The following HTR3E variants were observed in gnomAD, a reference collection of about 807,000 sequenced individuals.
HTR3E encodes 5-hydroxytryptamine receptor 3E, also known as 5-hydroxytryptamine (serotonin) receptor 3, family member E.
A neutral mutation model predicts 38.0 loss-of-function variants in HTR3E; 38 were observed. The ratio of observed to expected loss-of-function variants is 1.00; its 90% CI spans 0.77 to 1.31. The LOEUF is 1.31. HTR3E is among the 50% of genes most tolerant of loss of function. The probability of loss-of-function intolerance (pLI) is 0.00; values close to 1 mark genes in which losing one functional copy is unlikely to be tolerated. For synonymous variants in HTR3E, 210 were observed against 232.9 expected, an observed-to-expected ratio of 0.90 and a Z score of 0.89; for missense variants, 547 against 585.2, an observed-to-expected ratio of 0.93 and a Z score of 0.67.
intron 4 of HTR3E, 141 bp from the exon 5 acceptor site, chr3:184,104,646 C>A: frequency 1.4e-6 from 1 of 694,836 alleles, no homozygotes; most frequent in Non-Finnish European, 2.2e-6. Flanking sequence ...GAGCCCAGGA[C>A]ATGGAAGTTG....
chr3:184,104,323 C>T lies in HTR3E; in HGVS notation c.389+32C>T, dbSNP rs764359060. 7.6e-6 allele frequency: 12 copies of T among 1,584,462 alleles called. No homozygotes were observed. The African/African-American group carries it at 1.6e-4, about 21-fold the overall frequency. ...ATCAAGGGCTGGTCAGAGGGAAGTCCCATCTCCTGGTAGCCACAGAGATCA... is the reference window on the plus strand; with the variant it reads ...ATCAAGGGCTGGTCAGAGGGAAGTCTCATCTCCTGGTAGCCACAGAGATCA... On this transcript the variant is annotated intron_variant, in intron 4 of 8. Transcript: ENST00000415389.
intron 1 of HTR3E, among the ~76,000 whole-genome samples, chr3:184,099,720 C>CAAAAAAAAAA (rs1192532487): frequency 9.0e-5 from 4 of 44,532 alleles, no homozygotes; most frequent in East Asian, 8.8e-4. Context: ...GACTCCGTCT[C>CAAAAAAAAAA]AAAAAAAAAA....
intron 4 of HTR3E, among the ~76,000 whole-genome samples, chr3:184,104,576 G>C (rs1270881733): frequency 6.6e-6 from 1 of 151,096 alleles, no homozygotes; most frequent in Non-Finnish European, 1.5e-5. Flanking sequence ...AGCCAGGCCT[G>C]GTGGTGCGCC....
At position 184,105,896 on chromosome 3, in the gene HTR3E, G is replaced by A. The variant is rs114316160; in HGVS notation, c.852G>A (p.Thr284=). Residue 284 remains threonine (T), a synonymous_variant, in exon 7 of 9, where the codon ACG becomes ACA. Transcript: ENST00000415389. The stretch of plus-strand genomic sequence containing the variant: ...GGAATCGTGTCCCATTCAAGATAAC[G>A]CTCCTGCTGGGCTACAACGTCTTCC... ...KSGNRVPFKI[T]LLLGYNVFLL... 2,622 of 1,614,064 alleles carry A rather than the reference G, an allele frequency of 1.6e-3. 34 individuals carry two copies. In the African/African-American group the frequency reaches 0.03, roughly 18 times the overall value.
chr3:184,106,108 T>A lies in HTR3E; in HGVS notation c.926-20T>A. On this transcript the variant is annotated intron_variant, in intron 7 of 8. Coordinates refer to ENST00000415389, the MANE Select transcript of HTR3E (RefSeq NM_001256613.2). This position sits in a 1 kb window ranked among gnomAD's most constrained non-coding sequence, Gnocchi z 4.1. ...TCTAGGTGGTGCCTCTGGCCCTCAC[T>A]AGGCCCCCCTTCCCTCCAGGTGTCT... is the stretch of plus-strand genomic sequence containing the variant. The A allele has an allele frequency of 6.2e-7, 1 of 1,613,624 alleles. No homozygotes were observed. Among genetic ancestry groups the A allele is most frequent in the South Asian group, 1.1e-5 (1 of 91,046 alleles).
chr3:184,100,156 A>G, intron 1 of HTR3E: 1 of 1,393,138 alleles, frequency 7.2e-7, no homozygotes, highest in Non-Finnish European at 9.3e-7. Flanking sequence ...ATAGCACAGC[A>G]GCAGCAGACA....
intron 1 of HTR3E, 59 bp downstream of exon 1, chr3:184,097,655 C>A: frequency 1.6e-6 from 2 of 1,285,118 alleles, no homozygotes; most frequent in Non-Finnish European, 2.2e-6. Context: ...TCTAGTAGAA[C>A]ATCTAGGAAC....
At chr3:184,105,722 C>T (rs774100152) in intron 6 of HTR3E, 43 bp from the exon 7 acceptor site, 3 of 1,491,292 alleles carry the variant, frequency 2.0e-6, no homozygotes, top group South Asian at 1.1e-5. Context: ...TTGAGGGTTC[C>T]TCTGACCCCA....
At chr3:184,099,452 C>T (rs1353838449) in intron 1 of HTR3E, among the ~76,000 whole-genome samples, 2 of 152,050 alleles carry the variant, frequency 1.3e-5, no homozygotes, top group Non-Finnish European at 2.9e-5. Flanking sequence ...CGGTGGCTCA[C>T]GCCTGTAATC....
In HTR3E at chr3:184,097,946, A is replaced by G. The variant is rs114294545; in HGVS notation, c.67+350A>G. 1.6e-3 allele frequency among the ~76,000 whole-genome samples: 246 copies of G among 152,296 alleles called. 1 individual carries two copies. The highest frequency in any genetic ancestry group is 4.1e-3 in the African/African-American group (170 of 41,558). On this transcript the variant is annotated intron_variant, in intron 1 of 8. Transcript: ENST00000415389. ...CCTACATGGAAGACAACCATCCACGATCGTCTTCTCTTGTATTTAGCTTCT... is the reference window on the plus strand; with the variant it reads ...CCTACATGGAAGACAACCATCCACGGTCGTCTTCTCTTGTATTTAGCTTCT...
At chr3:184,100,335 G>A in intron 1 of HTR3E, 150 bp from the exon 2 acceptor site, 2 of 1,582,100 alleles carry the variant, frequency 1.3e-6, no homozygotes, top group African/African-American at 1.3e-5. Context: ...TTTTTAAAGG[G>A]CTTAGAATAT....
intron 2 of HTR3E, 33 bp downstream of exon 2, chr3:184,100,684 TC>T: frequency 3.1e-6 from 5 of 1,594,054 alleles, no homozygotes; most frequent in Non-Finnish European, 3.4e-6. Context: ...CTCCTTGGTG[TC>T]CTTAACCTTT....
Position 184,106,021 on chromosome 3 carries a change from G to A in HTR3E, c.925+52G>A. 1 of 1,611,738 alleles carries A rather than the reference G, an allele frequency of 6.2e-7. No individual in the cohort carries two copies. The highest frequency in any genetic ancestry group is 2.2e-5 in the East Asian group (1 of 44,874). On this transcript the variant is annotated intron_variant, in intron 7 of 8. Coordinates refer to ENST00000415389, the MANE Select transcript of HTR3E (RefSeq NM_001256613.2). This position sits in a 1 kb window ranked among gnomAD's most constrained non-coding sequence, Gnocchi z 4.1. ...AGAAGGGTGGGAACTAACTCAGGAAGGGAGGTATTTTGGAAAAAGGAGGCC... is the reference window on the plus strand; with the variant it reads ...AGAAGGGTGGGAACTAACTCAGGAAAGGAGGTATTTTGGAAAAAGGAGGCC...
At chr3:184,100,262 T>A (rs1016269929) in intron 1 of HTR3E, 1 of 1,361,428 alleles carries the variant, frequency 7.3e-7, no homozygotes, top group South Asian at 1.4e-5. Context: ...AGCTCGTTTA[T>A]TACATGAGGG....
chr3:184,102,116 T>A (rs1220860396), intron 3 of HTR3E, among the ~76,000 whole-genome samples: 1 of 152,172 alleles, frequency 6.6e-6, no homozygotes, highest in African/African-American at 2.4e-5. Flanking sequence ...CATACATAAT[T>A]TTTTGTCACA....
In HTR3E at chr3:184,105,446, A is replaced by G. The variant is rs1189604811; in HGVS notation, c.720+19A>G. The G allele has an allele frequency of 2.5e-6, 4 of 1,582,110 alleles. No individual in the cohort carries two copies. The highest frequency in any genetic ancestry group is 3.4e-6 in the Non-Finnish European group (4 of 1,166,030). Reference sequence around the variant, plus strand: ...GTTCTATGTGAGCTTGGAGGCTCTTACTCTTTCCTTCCTCCCGCACTTTTA... The same window carrying G: ...GTTCTATGTGAGCTTGGAGGCTCTTGCTCTTTCCTTCCTCCCGCACTTTTA... On this transcript the variant is annotated intron_variant, in intron 6 of 8. Coordinates refer to ENST00000415389, the MANE Select transcript of HTR3E (RefSeq NM_001256613.2).
At chr3:184,097,707 T>C in intron 1 of HTR3E, 111 bp downstream of exon 1, 1 of 754,738 alleles carries the variant, frequency 1.3e-6, no homozygotes, top group South Asian at 1.7e-5. Flanking sequence ...CTAAGATGGA[T>C]AGAGTTCTTT....
chr3:184,103,799 A>G, intron 3 of HTR3E, among the ~76,000 whole-genome samples: 1 of 147,962 alleles, frequency 6.8e-6, no homozygotes, highest in Non-Finnish European at 1.5e-5. Flanking sequence ...TCCATCTCAG[A>G]AAAAAAAAAG....
chr3:184,106,761 C>A lies in HTR3E; in HGVS notation c.*68C>A, dbSNP rs536228198. ...CTCCAGGGACTGGCCAGGTCTCCCC[C>A]CTTTCCTGAGTACCAACTATCATAT... is the stretch of plus-strand genomic sequence containing the variant. On this transcript the variant is annotated 3_prime_UTR_variant, in exon 9 of 9. Coordinates refer to ENST00000415389, the MANE Select transcript of HTR3E (RefSeq NM_001256613.2). The surrounding 1 kb of genome is among the most constrained non-coding windows in gnomAD (Gnocchi z 4.1). 1.4e-5 allele frequency: 21 copies of A among 1,511,418 alleles called. No homozygotes were observed. In the South Asian group the frequency reaches 1.5e-4, roughly 11 times the overall value. 93.6% of individuals were successfully genotyped at this position (1,511,418 alleles called of 1,614,324 possible). A position where few individuals can be genotyped will look rare whatever the true frequency, so the allele number is the denominator to read the frequency against.
Sources: allele counts gnomAD v4.1 joint callset (sites outside exome capture counted in the v4.1 genomes callset), GRCh38; gene constraint gnomAD v4.1.1; non-coding constraint Gnocchi (gnomAD v3.1); transcripts MANE v1.5; gene names NCBI Gene and HGNC (gene_info 2026-07-23, HGNC 2026-07-21).